MCPH1: variants seen among roughly 807,000 people sequenced by gnomAD.
MCPH1 encodes the protein microcephalin.
MCPH1 carries 104 observed loss-of-function variants against 84.5 expected under a neutral mutation model. The observed-to-expected ratio is 1.23, with a 90% CI of 1.05 to 1.45. MCPH1 has a LOEUF of 1.45. Among genes scored for constraint, MCPH1 ranks in the 40% most tolerant of loss-of-function variants. The pLI is 0.00. For missense variants in MCPH1, 1,498 were observed against 1,005.7 expected (o/e 1.49, Z -6.62); for synonymous variants, 514 against 366.8 (o/e 1.40, Z -4.58).
At chr8:6,541,728 G>C (rs1433179881) in intron 12 of MCPH1, among the ~76,000 whole-genome samples, 1 of 152,142 alleles carries the variant, frequency 6.6e-6, no homozygotes, top group East Asian at 1.9e-4. Flanking sequence ...GTAGGGCCGG[G>C]CATAGTGGCT....
Position 6,414,779 on chromosome 8 carries a change from T to A in MCPH1, c.129T>A (p.Phe43Leu). Reference sequence around the variant, plus strand: ...TTTGTCTACAGGTTTCAAAAACTTTTAACAAACAAGTAACTCACGTTATCT... The same window carrying A: ...TTTGTCTACAGGTTTCAAAAACTTTAAACAAACAAGTAACTCACGTTATCT... The part of the protein sequence containing the change: ...VDMGAKVSKT[F>L]NKQVTHVIFK... Residue 43 changes from phenylalanine to leucine, a missense_variant, in exon 3 of 14, where the codon TTT becomes TTA. Coordinates refer to ENST00000344683, the MANE Select transcript of MCPH1 (RefSeq NM_024596.5). 6.2e-7 allele frequency: 1 copy of A among 1,613,802 alleles called. No individual in the cohort carries two copies. The highest frequency in any genetic ancestry group is 2.2e-5 in the East Asian group (1 of 44,864).
intron 12 of MCPH1, among the ~76,000 whole-genome samples, chr8:6,544,768 A>G (rs1227223924): frequency 1.3e-5 from 2 of 152,242 alleles, no homozygotes; most frequent in African/African-American, 2.4e-5. Context: ...ACACTTTGCC[A>G]TAAAAGAGCC....
At chr8:6,514,879 G>A (rs549056974) in intron 12 of MCPH1, 8 of 952,484 alleles carry the variant, frequency 8.4e-6, no homozygotes, top group South Asian at 3.0e-5. Flanking sequence ...GGACTCAGCC[G>A]AGAGGGTTCT....
At chr8:6,451,085 A>G (rs1319112439) in intron 8 of MCPH1, among the ~76,000 whole-genome samples, 2 of 152,224 alleles carry the variant, frequency 1.3e-5, no homozygotes, top group African/African-American at 2.4e-5. Context: ...AAATAGATAG[A>G]CATATATTCA....
In MCPH1 at chr8:6,515,849, A is replaced by G. The variant is rs889528306; in HGVS notation, c.2214+15920A>G. On this transcript the variant is annotated intron_variant, in intron 12 of 13. Coordinates refer to ENST00000344683, the MANE Select transcript of MCPH1 (RefSeq NM_024596.5). ...CTTCAACGCACACTGTTCTCTGTTT[A>G]CGAGTTAGAATCCTAAAGAGGAGAG... Among the ~76,000 whole-genome samples the G allele has an allele frequency of 5.3e-5, 8 of 152,182 alleles. No individual in the cohort carries two copies. In the South Asian group the frequency reaches 1.7e-3, roughly 32 times the overall value.
chr8:6,521,671 G>A (rs1281289689), intron 12 of MCPH1, among the ~76,000 whole-genome samples: 1 of 152,162 alleles, frequency 6.6e-6, no homozygotes, highest in East Asian at 1.9e-4. Context: ...TACCCCATCT[G>A]GTCCAGGATA....
At chr8:6,478,665 C>A (rs1333026387) in intron 10 of MCPH1, among the ~76,000 whole-genome samples, 1 of 152,200 alleles carries the variant, frequency 6.6e-6, no homozygotes, top group African/African-American at 2.4e-5. Context: ...CTGGCACATC[C>A]AGCAAGCAGC....
intron 12 of MCPH1, chr8:6,514,836 G>T: frequency 6.9e-7 from 1 of 1,453,180 alleles, no homozygotes; most frequent in Non-Finnish European, 9.6e-7. Context: ...CCCTTACGTA[G>T]CAGAAGCAGG....
chr8:6,503,071 C>T lies in MCPH1; in HGVS notation c.2214+3142C>T, dbSNP rs746771032. 13 of 1,612,754 alleles carry T rather than the reference C, an allele frequency of 8.1e-6. No individual in the cohort carries two copies. The East Asian group carries it at 1.1e-4, about 14-fold the overall frequency. On this transcript the variant is annotated intron_variant, in intron 12 of 13. Transcript: ENST00000344683. ...TGGGCTTAAGTCTTTGAAAATAGTT[C>T]GAGACAGTTCCTCAGGTGGACTGGG...
chr8:6,585,927 A>G (rs938149633), intron 12 of MCPH1, among the ~76,000 whole-genome samples: 1 of 152,200 alleles, frequency 6.6e-6, no homozygotes, highest in African/African-American at 2.4e-5. Context: ...AGCTGTAACT[A>G]CAGAAGTTTT....
intron 9 of MCPH1, among the ~76,000 whole-genome samples, chr8:6,474,723 G>C (rs1289593761): frequency 6.6e-6 from 1 of 152,166 alleles, no homozygotes; most frequent in Non-Finnish European, 1.5e-5. Context: ...GTGTGGCTGG[G>C]CACAGTGGCT....
At chr8:6,592,751 C>G (rs1303576285) in intron 12 of MCPH1, among the ~76,000 whole-genome samples, 1 of 149,832 alleles carries the variant, frequency 6.7e-6, no homozygotes, top group Non-Finnish European at 1.5e-5. Flanking sequence ...GCCTCCCAGG[C>G]TGAAGTGATC....
Position 6,444,539 on chromosome 8 carries a change from A to G in MCPH1, c.817A>G (p.Asn273Asp), listed in dbSNP as rs764452088. ...TTCTTCACTTGTATTGAAAGCAAAT[A>G]ATATTCATTCATCACCATCTTTCAC... Reference protein sequence around the residue: ...CISSLVLKANNIHSSPSFTHL... With the variant: ...CISSLVLKANDIHSSPSFTHL... The change falls in exon 8 of 14, where the codon AAT (asparagine) becomes GAT (aspartate). Residue 273 changes from asparagine to aspartate, a missense_variant. Asn to Asp is a conservative substitution (Grantham distance 23, BLOSUM62 1). Coordinates refer to ENST00000344683, the MANE Select transcript of MCPH1 (RefSeq NM_024596.5). 3.1e-6 allele frequency: 5 copies of G among 1,614,182 alleles called. No individual in the cohort carries two copies. Among genetic ancestry groups the G allele is most frequent in the South Asian group, 1.1e-5 (1 of 91,080 alleles).
intron 13 of MCPH1, chr8:6,626,827 C>T (rs1796751281): frequency 9.1e-6 from 9 of 985,058 alleles, no homozygotes; most frequent in South Asian, 4.7e-5. Context: ...TGCACTCTTC[C>T]CTCCCTGCTG....
chr8:6,505,348 ATT>A lies in MCPH1; in HGVS notation c.2214+5420_2214+5421del, dbSNP rs374456661. 8.6e-3 allele frequency among the ~76,000 whole-genome samples: 427 copies of A among 49,774 alleles called. 21 individuals are homozygous for A. Among genetic ancestry groups the A allele is most frequent in the Non-Finnish European group, 0.014 (328 of 23,896 alleles). 32.7% of individuals were successfully genotyped at this position (49,774 alleles called of 152,430 possible). A position where few individuals can be genotyped will look rare whatever the true frequency, so the allele number is the denominator to read the frequency against. On this transcript the variant is annotated intron_variant, in intron 12 of 13. Transcript: ENST00000344683. Reference sequence around the variant, plus strand: ...ATATACATATAGAAAGAATATATATATTCTTTCTATATGTATATAGAATATAT... The same window carrying A: ...ATATACATATAGAAAGAATATATATACTTTCTATATGTATATAGAATATAT...
intron 2 of MCPH1, among the ~76,000 whole-genome samples, chr8:6,414,326 G>T (rs1798954869): frequency 6.6e-6 from 1 of 152,232 alleles, no homozygotes; most frequent in African/African-American, 2.4e-5. Flanking sequence ...AGTATCTTAA[G>T]ATATGAGGTA....
chr8:6,571,960 T>C (rs1586673456), intron 12 of MCPH1, among the ~76,000 whole-genome samples: 1 of 152,336 alleles, frequency 6.6e-6, no homozygotes, highest in East Asian at 1.9e-4. Flanking sequence ...TCTTTCCTAA[T>C]AATCCAGAAT....
intron 12 of MCPH1, among the ~76,000 whole-genome samples, chr8:6,547,647 T>A (rs1822842315): frequency 1.3e-5 from 2 of 151,836 alleles, no homozygotes; most frequent in Admixed American, 1.3e-4. Context: ...AAACAGTGAG[T>A]GCCTTTGAGT....
intron 3 of MCPH1, among the ~76,000 whole-genome samples, chr8:6,416,554 T>G (rs1381721369): frequency 6.6e-6 from 1 of 152,236 alleles, no homozygotes; most frequent in African/African-American, 2.4e-5. Context: ...TCAGATGTTT[T>G]TCTGCATGAC....
Sources: allele counts gnomAD v4.1 joint callset (sites outside exome capture counted in the v4.1 genomes callset), GRCh38; gene constraint gnomAD v4.1.1; transcripts MANE v1.5; gene names NCBI Gene and HGNC (gene_info 2026-07-23, HGNC 2026-07-21).